PABPC4L: variants seen among roughly 807,000 people sequenced by gnomAD.
PABPC4L encodes polyadenylate-binding protein 4-like.
For missense variants in PABPC4L, 452 were observed against 451.4 expected, an observed-to-expected ratio of 1.00 and a Z score of -0.01; for synonymous variants, 169 against 164.1, an observed-to-expected ratio of 1.03 and a Z score of -0.23.
chr4:134,191,195 T>G, the PABPC4L span, among the ~76,000 whole-genome samples: 1 of 152,154 alleles, frequency 6.6e-6, no homozygotes, highest in Non-Finnish European at 1.5e-5. Context: ...TGCAGTTGTT[T>G]TCTCTTGATT....
the PABPC4L span, among the ~76,000 whole-genome samples, chr4:134,009,666 A>G: frequency 2.6e-5 from 4 of 151,990 alleles, no homozygotes; most frequent in African/African-American, 9.7e-5. Context: ...AACCACAAAA[A>G]ACTTACCATC....
At chr4:134,183,748 A>T in the PABPC4L span, among the ~76,000 whole-genome samples, 3,420 of 152,106 alleles carry the variant, frequency 0.022, 130 homozygotes, top group African/African-American at 0.078. Flanking sequence ...ACTAATAAAG[A>T]TATGCAAGAA....
the PABPC4L span, among the ~76,000 whole-genome samples, chr4:134,046,252 A>G: frequency 6.6e-6 from 1 of 152,154 alleles, no homozygotes; most frequent in South Asian, 2.1e-4. Context: ...AAAACATGTG[A>G]GCAAAGGAAT....
the PABPC4L span, among the ~76,000 whole-genome samples, chr4:134,134,379 G>A: frequency 1.3e-5 from 2 of 151,930 alleles, no homozygotes; most frequent in Non-Finnish European, 2.9e-5. Context: ...GATTAAAAAA[G>A]TGGATGATTT....
the PABPC4L span, among the ~76,000 whole-genome samples, chr4:134,042,020 C>T: frequency 6.6e-6 from 1 of 152,124 alleles, no homozygotes; most frequent in East Asian, 1.9e-4. Context: ...CCCAACTGCT[C>T]ATCAACAAAT....
the PABPC4L span, among the ~76,000 whole-genome samples, chr4:134,045,535 G>A: frequency 6.6e-6 from 1 of 152,094 alleles, no homozygotes; most frequent in Non-Finnish European, 1.5e-5. Flanking sequence ...AGAGCTTCAG[G>A]GCAGACATAG....
chr4:134,158,839 C>G, the PABPC4L span, among the ~76,000 whole-genome samples: 1 of 152,184 alleles, frequency 6.6e-6, no homozygotes, highest in South Asian at 2.1e-4. Context: ...TTATAGAGTG[C>G]ATTTACACAA....
the PABPC4L span, among the ~76,000 whole-genome samples, chr4:133,976,101 C>T: frequency 6.6e-6 from 1 of 152,094 alleles, no homozygotes; most frequent in South Asian, 2.1e-4. Context: ...TCCTGATGCT[C>T]TCCCCTGCCA....
chr4:134,131,707 G>T, the PABPC4L span, among the ~76,000 whole-genome samples: 2 of 36,682 alleles, frequency 5.5e-5, no homozygotes, highest in Non-Finnish European at 8.3e-5. Context: ...TAAAATTCCT[G>T]TGAAACCAAA....
At chr4:134,125,379 G>C in the PABPC4L span, among the ~76,000 whole-genome samples, 82 of 151,862 alleles carry the variant, frequency 5.4e-4, no homozygotes, top group African/African-American at 1.8e-3. Flanking sequence ...AGTTACATAT[G>C]TATACATGTG....
At chr4:134,077,535 C>T in the PABPC4L span, among the ~76,000 whole-genome samples, 2 of 152,052 alleles carry the variant, frequency 1.3e-5, no homozygotes, top group East Asian at 1.9e-4. Context: ...GGTGGGTGAG[C>T]TAAACAAGAT....
the PABPC4L span, among the ~76,000 whole-genome samples, chr4:134,006,938 A>C: frequency 6.6e-6 from 1 of 151,834 alleles, no homozygotes; most frequent in Non-Finnish European, 1.5e-5. Flanking sequence ...AGTTGTGAAT[A>C]CTGTCAAGTT....
chr4:134,087,432 G>A, the PABPC4L span, among the ~76,000 whole-genome samples: 1 of 152,096 alleles, frequency 6.6e-6, no homozygotes, highest in Non-Finnish European at 1.5e-5. Context: ...CTTTTGGAGA[G>A]TCCTATTGCA....
At chr4:134,144,106 G>C in the PABPC4L span, among the ~76,000 whole-genome samples, 1 of 151,432 alleles carries the variant, frequency 6.6e-6, no homozygotes, top group Non-Finnish European at 1.5e-5. Flanking sequence ...AGACTTACTT[G>C]TTCTAAAAAC....
At chr4:134,148,822 G>A in the PABPC4L span, among the ~76,000 whole-genome samples, 1 of 150,880 alleles carries the variant, frequency 6.6e-6, no homozygotes, top group Non-Finnish European at 1.5e-5. Context: ...AAAATAAGTT[G>A]AATGACATAA....
At chr4:134,144,224 T>G in the PABPC4L span, among the ~76,000 whole-genome samples, 185 of 151,680 alleles carry the variant, frequency 1.2e-3, 1 homozygote, top group Non-Finnish European at 1.3e-3. Context: ...AAGCTAGCAA[T>G]ACCTTTGCAA....
At chr4:134,070,187 G>A in the PABPC4L span, among the ~76,000 whole-genome samples, 1 of 151,976 alleles carries the variant, frequency 6.6e-6, no homozygotes, top group East Asian at 1.9e-4. Context: ...GGAACGTGCT[G>A]CATTGGTGGG....
the PABPC4L span, among the ~76,000 whole-genome samples, chr4:134,020,415 G>A: frequency 6.6e-5 from 10 of 152,140 alleles, 2 homozygotes; most frequent in South Asian, 2.1e-3. Context: ...GCAAAATTAG[G>A]AATGCCTTTG....
At chr4:134,160,682 C>A in the PABPC4L span, among the ~76,000 whole-genome samples, 1 of 151,938 alleles carries the variant, frequency 6.6e-6, no homozygotes, top group Non-Finnish European at 1.5e-5. Context: ...TAGAGTACAG[C>A]CTGGGCAACA....
Sources: allele counts gnomAD v4.1 joint callset (sites outside exome capture counted in the v4.1 genomes callset), GRCh38; gene constraint gnomAD v4.1.1; transcripts MANE v1.5; gene names NCBI Gene and HGNC (gene_info 2026-07-23, HGNC 2026-07-21).